The following TMEM123 variants were observed in gnomAD, a reference collection of about 807,000 sequenced individuals.
The protein encoded by TMEM123 is transmembrane protein 123.
Under a neutral mutation model 19.7 loss-of-function variants are expected in TMEM123, and 16 were observed. The observed-to-expected ratio is 0.81, with a 90% CI of 0.55 to 1.23. TMEM123 has a LOEUF of 1.23. Among genes scored for constraint, TMEM123 ranks in the 50% most tolerant of loss-of-function variants. The probability of loss-of-function intolerance (pLI) is 0.00; values close to 1 mark genes in which losing one functional copy is unlikely to be tolerated. For missense variants in TMEM123, 313 were observed against 257.8 expected, an observed-to-expected ratio of 1.21 and a Z score of -1.47; for synonymous variants, 118 against 99.4, an observed-to-expected ratio of 1.19 and a Z score of -1.12.
At chr11:102,442,661 C>G (rs544438742) in intron 2 of TMEM123, among the ~76,000 whole-genome samples, 24 of 152,316 alleles carry the variant, frequency 1.6e-4, no homozygotes, top group African/African-American at 4.6e-4. Context: ...TCTCTCACTA[C>G]TCCCATTCAA....
chr11:102,427,401 AAGAGAAGGCAGAAGTGGG>A (rs1320569582), intron 2 of TMEM123, among the ~76,000 whole-genome samples: 5 of 151,824 alleles, frequency 3.3e-5, no homozygotes, highest in Admixed American at 3.3e-4. Context: ...GCAGAAGTGG[AAGAGAAGGCAGAAGTGGG>A]AGAGAAGAAA....
At chr11:102,447,966 G>C (rs542769180) in intron 2 of TMEM123, among the ~76,000 whole-genome samples, 2 of 152,182 alleles carry the variant, frequency 1.3e-5, no homozygotes, top group Admixed American at 1.3e-4. Flanking sequence ...TAAAAAAATG[G>C]TTACTTATGT....
At chr11:102,441,825 G>A (rs1454206169) in intron 2 of TMEM123, among the ~76,000 whole-genome samples, 4 of 151,676 alleles carry the variant, frequency 2.6e-5, no homozygotes, top group Non-Finnish European at 4.4e-5. Context: ...AAGAAGAAAA[G>A]AGAGAAGAAT....
At chr11:102,425,583 C>T (rs112985995) in intron 2 of TMEM123, among the ~76,000 whole-genome samples, 797 of 106,572 alleles carry the variant, frequency 7.5e-3, no homozygotes, top group Middle Eastern at 0.015. Context: ...TTTCTTTTTT[C>T]TTTTTTTTTT....
chr11:102,400,392 A>C (rs1361445932), intron 4 of TMEM123, among the ~76,000 whole-genome samples: 1 of 152,214 alleles, frequency 6.6e-6, no homozygotes, highest in Non-Finnish European at 1.5e-5. Context: ...GGCTTAGAGA[A>C]GTCTTATAGT....
At chr11:102,447,233 C>CA (rs1227533606) in intron 2 of TMEM123, among the ~76,000 whole-genome samples, 3 of 152,202 alleles carry the variant, frequency 2.0e-5, no homozygotes, top group African/African-American at 7.2e-5. Context: ...GAGCTGCCCT[C>CA]AAAGTATTCA....
chr11:102,443,292 AACTAC>A (rs1310238149), intron 2 of TMEM123, among the ~76,000 whole-genome samples: 1 of 152,252 alleles, frequency 6.6e-6, no homozygotes, highest in African/African-American at 2.4e-5. Context: ...CGTGATTTCA[AACTAC>A]ACTACAAGGC....
chr11:102,414,583 G>A (rs748166482), intron 2 of TMEM123, among the ~76,000 whole-genome samples: 10 of 152,160 alleles, frequency 6.6e-5, no homozygotes, highest in East Asian at 3.9e-4. Context: ...CAAGAATGTC[G>A]TATCTAGCTA....
intron 2 of TMEM123, among the ~76,000 whole-genome samples, chr11:102,410,862 T>A (rs776118342): frequency 1.3e-5 from 2 of 152,132 alleles, no homozygotes; most frequent in Admixed American, 6.5e-5. Context: ...CCAGTTTGAT[T>A]TTCACCTCCT....
intron 2 of TMEM123, among the ~76,000 whole-genome samples, chr11:102,438,802 G>A (rs748952509): frequency 5.3e-5 from 8 of 152,224 alleles, no homozygotes; most frequent in Non-Finnish European, 8.8e-5. Context: ...TGCATCACCC[G>A]GGAAGCACAA....
intron 2 of TMEM123, among the ~76,000 whole-genome samples, chr11:102,428,545 G>A (rs965118468): frequency 1.3e-5 from 2 of 150,850 alleles, no homozygotes; most frequent in Non-Finnish European, 2.9e-5. Context: ...GACCCCAGGT[G>A]ATCCACCCAG....
chr11:102,411,102 A>G lies in TMEM123; in HGVS notation c.158-8896T>C, dbSNP rs113669831. ...TTTGCTCAAACCTGAGTTTTTGGCTAATCAACTGCCATAGCATAGGGCCCA... is the reference window on the plus strand; with the variant it reads ...TTTGCTCAAACCTGAGTTTTTGGCTGATCAACTGCCATAGCATAGGGCCCA... On this transcript the variant is annotated intron_variant, in intron 2 of 4. Coordinates refer to ENST00000398136, the MANE Select transcript of TMEM123 (RefSeq NM_052932.3). Among the ~76,000 whole-genome samples the G allele has an allele frequency of 9.3e-4, 142 of 152,202 alleles. 1 individual carries two copies. The highest frequency in any genetic ancestry group is 3.3e-3 in the African/African-American group (137 of 41,542).
At position 102,397,179 on chromosome 11, in the gene TMEM123, TG is replaced by T. The variant is rs1189569902; in HGVS notation, c.*1687del. On this transcript the variant is annotated 3_prime_UTR_variant, in exon 5 of 5. Coordinates refer to ENST00000398136, the MANE Select transcript of TMEM123 (RefSeq NM_052932.3). Reference sequence around the variant, plus strand: ...CATACATCCAATCATATCCATATTTTGGATCATTTTTTTCTATATTCATCAG... The same window carrying T: ...CATACATCCAATCATATCCATATTTTGATCATTTTTTTCTATATTCATCAG... The T allele has an allele frequency of 1.3e-5, 2 of 152,200 alleles. No homozygotes were observed. Among genetic ancestry groups the T allele is most frequent in the Non-Finnish European group, 1.5e-5 (1 of 68,036 alleles). 9.4% of individuals were successfully genotyped at this position (152,200 alleles called of 1,614,324 possible).
chr11:102,442,702 C>T (rs1038370268), intron 2 of TMEM123, among the ~76,000 whole-genome samples: 3 of 152,118 alleles, frequency 2.0e-5, no homozygotes, highest in East Asian at 1.9e-4. Context: ...CCAGGGCAAT[C>T]AGGCAGGAGA....
intron 2 of TMEM123, among the ~76,000 whole-genome samples, chr11:102,428,677 T>A (rs1952149734): frequency 1.3e-5 from 2 of 152,100 alleles, no homozygotes; most frequent in South Asian, 4.2e-4. Context: ...TATCACAAAT[T>A]AAATGGCCAT....
rs368924208 is a variant in TMEM123, at chr11:102,401,677, T to A, written c.464A>T (p.His155Leu). The change falls in exon 4 of 5, where the codon CAT (histidine) becomes CTT (leucine). Residue 155 changes from histidine (H) to leucine (L), a missense_variant. By Grantham distance (99) the His-to-Leu change is moderately conservative (BLOSUM62 -3). Transcript: ENST00000398136. ...TTTTGATCCTTTCTTTGCTTCAGAA[T>A]GCATAGTTGTTGTGACTAGAACAAA... ...ASSVTITTTM[H>L]SEAKKGSKFD... 1 of 1,596,418 alleles carries A rather than the reference T, an allele frequency of 6.3e-7. No individual in the cohort carries two copies. Among genetic ancestry groups the A allele is most frequent in the Non-Finnish European group, 8.5e-7 (1 of 1,175,920 alleles).
chr11:102,417,228 T>C lies in TMEM123; in HGVS notation c.158-15022A>G, dbSNP rs189408347. ...AGTCAAACTCTCTCTTTGCAGATGATGATTCTCTAACTAGAAAACCCCAGT... is the reference window on the plus strand; with the variant it reads ...AGTCAAACTCTCTCTTTGCAGATGACGATTCTCTAACTAGAAAACCCCAGT... On this transcript the variant is annotated intron_variant, in intron 2 of 4. Transcript: ENST00000398136. Among the ~76,000 whole-genome samples, 5 of 152,352 alleles carry C rather than the reference T, an allele frequency of 3.3e-5. No individual in the cohort carries two copies. In the East Asian group the frequency reaches 9.6e-4, roughly 29 times the overall value.
chr11:102,435,018 AT>A (rs1199082092), intron 2 of TMEM123, among the ~76,000 whole-genome samples: 1 of 151,868 alleles, frequency 6.6e-6, no homozygotes, highest in Non-Finnish European at 1.5e-5. Context: ...TTGAATAATT[AT>A]TTAAAAATAT....
chr11:102,409,386 A>C lies in TMEM123; in HGVS notation c.158-7180T>G, dbSNP rs147757073. Among the ~76,000 whole-genome samples, 402 of 152,314 alleles carry C rather than the reference A, an allele frequency of 2.6e-3. 1 individual carries two copies. Among genetic ancestry groups the C allele is most frequent in the African/African-American group, 9.3e-3 (385 of 41,562 alleles). On this transcript the variant is annotated intron_variant, in intron 2 of 4. Transcript: ENST00000398136. ...AGAATCTCTTTCCTATAGAATTTAC[A>C]ACCTTACCCCATCAACTAAATATCA...
Sources: allele counts gnomAD v4.1 joint callset (sites outside exome capture counted in the v4.1 genomes callset), GRCh38; gene constraint gnomAD v4.1.1; transcripts MANE v1.5; gene names NCBI Gene and HGNC (gene_info 2026-07-23, HGNC 2026-07-21).